Variants in TNXB observed in about 807,000 individuals in gnomAD.
TNXB encodes the protein tenascin-X.
Under a neutral mutation model 340.5 loss-of-function variants are expected in TNXB, and 183 were observed. The observed-to-expected ratio is 0.54, with a 90% confidence interval of 0.48 to 0.61. The LOEUF is 0.61. TNXB is among the 20% of genes least tolerant of loss of function. TNXB has a pLI of 0.00. For missense variants in TNXB, 4,613 were observed against 5,446.4 expected (o/e 0.85, Z 4.82); for synonymous variants, 2,121 against 2,314.5 (o/e 0.92, Z 2.40).
chr6:32,055,632 C>G (rs1358328217), intron 24 of TNXB, among the ~76,000 whole-genome samples: 1 of 152,162 alleles, frequency 6.6e-6, no homozygotes, highest in Non-Finnish European at 1.5e-5. Context: ...ACTCAAGGGG[C>G]GTGATCATGG....
In TNXB at chr6:32,064,680, G is replaced by T; in HGVS notation, c.6841+141C>A. 1 of 1,251,178 alleles carries T rather than the reference G, an allele frequency of 8.0e-7. No individual in the cohort carries two copies. Among genetic ancestry groups the T allele is most frequent in the Non-Finnish European group, 1.1e-6 (1 of 934,224 alleles). The allele number at this position is 1,251,178 out of a possible 1,614,324, so 77.5% of individuals were successfully genotyped here. A position where few individuals can be genotyped will look rare whatever the true frequency, so the allele number is the denominator to read the frequency against. ...CCTGGGGCAATACCAAAGTCTCGGA[G>T]TGAAGGCACCAGCAGAACCATTCCC... is the stretch of plus-strand genomic sequence containing the variant. On this transcript the variant is annotated intron_variant, in intron 19 of 43. Coordinates refer to ENST00000644971, the MANE Select transcript of TNXB (RefSeq NM_001365276.2). This position sits in a 1 kb window ranked among gnomAD's most constrained non-coding sequence, Gnocchi z 5.3.
chr6:32,081,394 C>T lies in TNXB; in HGVS notation c.4016G>A (p.Gly1339Glu), dbSNP rs746482679. ...LYGLRGRQRV[G>E]PESVVAKTAP... Reference sequence around the variant, plus strand: ...AGTCTTGGCCACCACAGACTCGGGCCCCACACGCTGCCTGCCACGAAGCCC... The same window carrying T: ...AGTCTTGGCCACCACAGACTCGGGCTCCACACGCTGCCTGCCACGAAGCCC... The change falls in exon 10 of 44, where the codon GGG becomes GAG. Residue 1339 changes from glycine to glutamate, a missense_variant. Around this residue, in one of 7 missense-constraint regions of TNXB, gnomAD observed 4,327 missense variants for 4,859.4 expected, o/e 0.89. Coordinates refer to ENST00000644971, the MANE Select transcript of TNXB (RefSeq NM_001365276.2). This position sits in a 1 kb window ranked among gnomAD's most constrained non-coding sequence, Gnocchi z 5.1. 1.1e-5 allele frequency: 17 copies of T among 1,544,156 alleles called. 1 individual carries two copies. The Middle Eastern group carries it at 1.7e-3, about 152-fold the overall frequency.
Position 32,064,921 on chromosome 6 carries a change from G to A in TNXB, c.6741C>T (p.Val2247=), listed in dbSNP as rs1025541225. ...GGTCTGGCTCCAGGCCCGAGATGGT[G>A]ACCCCATCCTCGTGTCCCGGCACCC... ...AVRVPGHEDG[V]TISGLEPDHK... Residue 2247 remains valine (V), a synonymous_variant, in exon 19 of 44, where the codon GTC becomes GTT. Coordinates refer to ENST00000644971, the MANE Select transcript of TNXB (RefSeq NM_001365276.2). This position sits in a 1 kb window ranked among gnomAD's most constrained non-coding sequence, Gnocchi z 5.3. 1.2e-6 allele frequency: 2 copies of A among 1,612,830 alleles called. No individual in the cohort carries two copies. The highest frequency in any genetic ancestry group is 8.5e-7 in the Non-Finnish European group (1 of 1,179,876).
At chr6:32,098,251 A>G in intron 1 of TNXB, 45 bp from the exon 2 acceptor site, 2 of 1,420,374 alleles carry the variant, frequency 1.4e-6, no homozygotes, top group Non-Finnish European at 1.9e-6. Context: ...CAAAAAGGAG[A>G]CAAAATGAAT....
Position 32,088,811 on chromosome 6 carries a change from T to C in TNXB, c.2753A>G (p.Tyr918Cys), listed in dbSNP as rs751671466. ...VTAERGRAVS[Y>C]PASVRANTGS... The stretch of plus-strand genomic sequence containing the variant: ...TGTGTTGGCCCTGACAGAAGCTGGG[T>C]AGCTGACTGCCCGGCCCCGCTCCGC... The change falls in exon 6 of 44, where the codon TAC becomes TGC. Residue 918 changes from tyrosine (Y) to cysteine (C), a missense_variant. Around this residue, in one of 7 missense-constraint regions of TNXB, gnomAD observed 4,327 missense variants for 4,859.4 expected, o/e 0.89. Transcript: ENST00000644971. 4 of 1,577,768 alleles carry C rather than the reference T, an allele frequency of 2.5e-6. No homozygotes were observed. The highest frequency in any genetic ancestry group is 3.4e-6 in the Non-Finnish European group (4 of 1,162,608).
rs192631019 is a variant in TNXB at position 32,073,837 on chromosome 6, G to A, written c.4491C>T (p.Pro1497=). ...CTATGAAGGAGTCAAACTGGCCCTC[G>A]GGGACTGTCCAGGAGAGGCCCACAG... The part of the protein sequence containing the change: ...PNSVGLSWTV[P]EGQFDSFIVQ... Residue 1497 remains proline (P), a synonymous_variant, in exon 12 of 44, where the codon CCC becomes CCT. Transcript: ENST00000644971. This position sits in a 1 kb window ranked among gnomAD's most constrained non-coding sequence, Gnocchi z 4.6. 2.4e-5 allele frequency: 38 copies of A among 1,612,438 alleles called. No individual in the cohort carries two copies. Among genetic ancestry groups the A allele is most frequent in the African/African-American group, 9.3e-5 (7 of 74,950 alleles).
Position 32,085,750 on chromosome 6 carries a change from C to T in TNXB, c.3148G>A (p.Asp1050Asn), listed in dbSNP as rs199737284. 1.3e-6 allele frequency: 2 copies of T among 1,538,262 alleles called. No homozygotes were observed. The highest frequency in any genetic ancestry group is 1.8e-6 in the Non-Finnish European group (2 of 1,141,430). ...GATCTGAGCAGAGTCCAAGATGTAC[C>T]CATAATGCCTTGGTAGATGATGGGG... ...SDPIIYQGIM[D>N]KDEEKPGKSS... Residue 1050 changes from aspartate (D) to asparagine (N), a missense_variant and splice_region_variant, in exon 7 of 44, where the codon GAC (aspartate) becomes AAC (asparagine). Coordinates refer to ENST00000644971, the MANE Select transcript of TNXB (RefSeq NM_001365276.2). The surrounding 1 kb of genome is among the most constrained non-coding windows in gnomAD (Gnocchi z 6.4).
Position 32,041,608 on chromosome 6 carries a change from C to T in TNXB, c.12634-158G>A, listed in dbSNP as rs7383707. ...GGATTGAGGCTTAATTCTGAGCTGG[C>T]CCTTTCCAGCCAATAAATCAACTCC... On this transcript the variant is annotated intron_variant, in intron 43 of 43. Coordinates refer to ENST00000644971, the MANE Select transcript of TNXB (RefSeq NM_001365276.2). 1,409 of 1,053,728 alleles carry T rather than the reference C, an allele frequency of 1.3e-3. 71 individuals carry two copies. In the African/African-American group the frequency reaches 0.015, roughly 11 times the overall value. The allele number at this position is 1,053,728 out of a possible 1,614,324, so 65.3% of individuals were successfully genotyped here. A position where few individuals can be genotyped will look rare whatever the true frequency, so the allele number is the denominator to read the frequency against.
Position 32,067,608 on chromosome 6 carries a change from G to C in TNXB, c.6544+53C>G. The C allele has an allele frequency of 1.3e-6, 2 of 1,578,238 alleles. No homozygotes were observed. The highest frequency in any genetic ancestry group is 1.7e-6 in the Non-Finnish European group (2 of 1,161,600). ...TGGGTCCCTAGTGGAGGAGATGCTGGAGGCTGTACTTTGCTAAGACCCAAC... is the reference window on the plus strand; with the variant it reads ...TGGGTCCCTAGTGGAGGAGATGCTGCAGGCTGTACTTTGCTAAGACCCAAC... On this transcript the variant is annotated intron_variant, in intron 18 of 43. Transcript: ENST00000644971. This position sits in a 1 kb window ranked among gnomAD's most constrained non-coding sequence, Gnocchi z 4.2.
intron 21 of TNXB, among the ~76,000 whole-genome samples, chr6:32,059,484 G>A (rs1562810209): frequency 6.7e-6 from 1 of 149,460 alleles, no homozygotes; most frequent in Non-Finnish European, 1.5e-5. Context: ...ATAATAGAGT[G>A]TGGGGTGGGG....
rs1284215813 is a variant in TNXB, at chr6:32,048,416, A to G, written c.9992T>C (p.Phe3331Ser). 1.3e-6 allele frequency: 2 copies of G among 1,546,624 alleles called. No homozygotes were observed. Among genetic ancestry groups the G allele is most frequent in the African/African-American group, 1.4e-5 (1 of 73,474 alleles). The change falls in exon 29 of 44, where the codon TTT becomes TCT. Residue 3331 changes from phenylalanine to serine, a missense_variant. Transcript: ENST00000644971. The part of the protein sequence containing the change: ...DPARKYKFLL[F>S]GLQNGKRHGP... ...GTGGCGTTTCCCATTCTGGAGTCCA[A>G]AGAGCAGGAACTTGTACTTGCGGGC...
chr6:32,041,990 C>T (rs1367433628), intron 42 of TNXB, 22 bp downstream of exon 42: 9 of 548,476 alleles, frequency 1.6e-5, no homozygotes, highest in Admixed American at 9.6e-5. Flanking sequence ...CTCACCCTCC[C>T]AGCCTCACAG....
chr6:32,042,643 C>T (rs773576031), intron 39 of TNXB, 37 bp from the exon 40 acceptor site: 12 of 1,472,054 alleles, frequency 8.2e-6, no homozygotes, highest in Non-Finnish European at 1.1e-5. Flanking sequence ...CTTTTCCAAG[C>T]CTTAGGCCCT....
At position 32,069,764 on chromosome 6, in the gene TNXB, C is replaced by T. The variant is rs773154320; in HGVS notation, c.5376G>A (p.Val1792=). The T allele has an allele frequency of 3.1e-6, 5 of 1,612,072 alleles. No homozygotes were observed. The highest frequency in any genetic ancestry group is 4.2e-6 in the Non-Finnish European group (5 of 1,179,154). Residue 1792 remains valine (V), a synonymous_variant, in exon 15 of 44, where the codon GTG becomes GTA. Transcript: ENST00000644971. This position sits in a 1 kb window ranked among gnomAD's most constrained non-coding sequence, Gnocchi z 6.2. ...LQVTTVTQNS[V]GLSWTVPEGQ... is the part of the protein sequence containing the mutation. ...CCTCAGGGACTGTCCAGGAGAGGCC[C>T]ACGGAGTTCTGGGTCACGGTGGTCA...
chr6:32,047,958 G>T lies in TNXB; in HGVS notation c.10100C>A (p.Thr3367Asn). The part of the protein sequence containing the change: ...RLGELTVTDA[T>N]PDSVGLSWTV... ...CCACGAGAGGCCCACGGAGTCAGGG[G>T]TCGCATCTGTCACAGTCAGCTCCCC... Residue 3367 changes from threonine (T) to asparagine (N), a missense_variant, in exon 30 of 44, where the codon ACC (threonine) becomes AAC (asparagine). Physicochemically the swap from Thr to Asn is moderately conservative, Grantham distance 65 (BLOSUM62 0). Coordinates refer to ENST00000644971, the MANE Select transcript of TNXB (RefSeq NM_001365276.2). The surrounding 1 kb of genome is among the most constrained non-coding windows in gnomAD (Gnocchi z 6.2). The T allele has an allele frequency of 6.2e-7, 1 of 1,612,002 alleles. No homozygotes were observed. Among genetic ancestry groups the T allele is most frequent in the Non-Finnish European group, 8.5e-7 (1 of 1,179,452 alleles).
At position 32,061,580 on chromosome 6, in the gene TNXB, G is replaced by C. The variant is rs766438769; in HGVS notation, c.7309C>G (p.Arg2437Gly). ...LSLSWTVPQG[R>G]FDSFTVQYKD... ...TACTGCACGGTGAAGGAGTCGAAGC[G>C]GCCCTGGGGGACGGTCCAGGAGAGG... is the stretch of plus-strand genomic sequence containing the variant. The change falls in exon 21 of 44, where the codon CGC becomes GGC. Residue 2437 changes from arginine to glycine, a missense_variant. By Grantham distance (125) the Arg-to-Gly change is moderately radical (BLOSUM62 -2). Coordinates refer to ENST00000644971, the MANE Select transcript of TNXB (RefSeq NM_001365276.2). The surrounding 1 kb of genome is among the most constrained non-coding windows in gnomAD (Gnocchi z 4.4). 44 of 1,613,126 alleles carry C rather than the reference G, an allele frequency of 2.7e-5. No homozygotes were observed. Among genetic ancestry groups the C allele is most frequent in the Non-Finnish European group, 3.5e-5 (41 of 1,179,882 alleles).
At chr6:32,093,824 T>C (rs1780188887) in intron 4 of TNXB, among the ~76,000 whole-genome samples, 1 of 152,098 alleles carries the variant, frequency 6.6e-6, no homozygotes. Flanking sequence ...GAGTGGTGGC[T>C]CATGCCTGTA....
intron 24 of TNXB, 74 bp downstream of exon 24, chr6:32,055,777 A>G: frequency 6.4e-7 from 1 of 1,550,496 alleles, no homozygotes; most frequent in African/African-American, 1.4e-5. Flanking sequence ...GCTGGTGAGA[A>G]TATTTTTGTT....
rs17207944 is a variant in TNXB at position 32,082,839 on chromosome 6, C to G, written c.3446-513G>C. 6.6e-6 allele frequency among the ~76,000 whole-genome samples: 1 copy of G among 152,158 alleles called. No homozygotes were observed. The highest frequency in any genetic ancestry group is 1.5e-5 in the Non-Finnish European group (1 of 68,024). On this transcript the variant is annotated intron_variant, in intron 8 of 43. Transcript: ENST00000644971. The surrounding 1 kb of genome is among the most constrained non-coding windows in gnomAD (Gnocchi z 5.0). ...GGGAACTTTGACCCATGGATGGACTCCCTCGCCTGCAGCACTGACCCTTCA... is the reference window on the plus strand; with the variant it reads ...GGGAACTTTGACCCATGGATGGACTGCCTCGCCTGCAGCACTGACCCTTCA...
Sources: allele counts gnomAD v4.1 joint callset (sites outside exome capture counted in the v4.1 genomes callset), GRCh38; gene constraint gnomAD v4.1.1; regional missense constraint gnomAD v4.1.1; non-coding constraint Gnocchi (gnomAD v3.1); transcripts MANE v1.5; gene names NCBI Gene and HGNC (gene_info 2026-07-23, HGNC 2026-07-21).